Variants in ABLIM2 observed in about 807,000 individuals in gnomAD.
ABLIM2 encodes the protein actin-binding LIM protein 2.
A neutral mutation model predicts 97.7 loss-of-function variants in ABLIM2; 53 were observed. The observed-to-expected ratio is 0.54, with a 90% CI of 0.44 to 0.68. The LOEUF (loss-of-function observed/expected upper bound fraction) is 0.68. ABLIM2 is among the 30% of genes least tolerant of loss of function. The pLI is 0.00. For synonymous variants in ABLIM2, 361 were observed against 345.8 expected, an observed-to-expected ratio of 1.04 and a Z score of -0.49; for missense variants, 835 against 867.2, an observed-to-expected ratio of 0.96 and a Z score of 0.47.
rs944187467 is a variant in ABLIM2, at chr4:7,983,683, C to A, written c.1736-129G>T. On this transcript the variant is annotated intron_variant, in intron 18 of 20. Transcript: ENST00000447017. ...GCAGTCACCTGGGCCATGCATGGTC[C>A]CCGAGCAGCCTGCACTGAGGCCCTA... is the stretch of plus-strand genomic sequence containing the variant. 9 of 1,144,230 alleles carry A rather than the reference C, an allele frequency of 7.9e-6. No homozygotes were observed. The African/African-American group carries it at 1.2e-4, about 16-fold the overall frequency. The allele number at this position is 1,144,230 out of a possible 1,614,324, so 70.9% of individuals were successfully genotyped here.
Position 8,039,513 on chromosome 4 carries a change from C to T in ABLIM2, c.901-3218G>A, listed in dbSNP as rs531252051. On this transcript the variant is annotated intron_variant, in intron 9 of 20. Transcript: ENST00000447017. ...AGTCCTTGGGTGGTTGCCATGACAA[C>T]GGGCTGCACTCTCTAATTGGCGGAA... 1.4e-4 allele frequency among the ~76,000 whole-genome samples: 21 copies of T among 152,292 alleles called. No individual in the cohort carries two copies. The South Asian group carries it at 3.9e-3, about 29-fold the overall frequency.
At chr4:8,102,443 A>C (rs1214628272) in intron 2 of ABLIM2, among the ~76,000 whole-genome samples, 3 of 152,242 alleles carry the variant, frequency 2.0e-5, no homozygotes, top group Non-Finnish European at 4.4e-5. Flanking sequence ...TCCTTGCATT[A>C]GACCTGGTCC....
rs1815215164 is a variant in ABLIM2 at position 8,075,185 on chromosome 4, A to G, written c.675+2443T>C. Among the ~76,000 whole-genome samples, 1 of 152,238 alleles carries G rather than the reference A, an allele frequency of 6.6e-6. No homozygotes were observed. Among genetic ancestry groups the G allele is most frequent in the African/African-American group, 2.4e-5 (1 of 41,462 alleles). Reference sequence around the variant, plus strand: ...TCAAGCTATGTGAAAGAAGCCGGTCATGAAAGACTACATATTTCATGATTC... The same window carrying G: ...TCAAGCTATGTGAAAGAAGCCGGTCGTGAAAGACTACATATTTCATGATTC... On this transcript the variant is annotated intron_variant, in intron 6 of 20. Transcript: ENST00000447017. This position sits in a 1 kb window ranked among gnomAD's most constrained non-coding sequence, Gnocchi z 4.4.
chr4:8,029,865 G>A, intron 10 of ABLIM2, 89 bp from the exon 11 acceptor site: 2 of 1,484,400 alleles, frequency 1.3e-6, no homozygotes, highest in South Asian at 1.3e-5. Context: ...TTTGGTGTTT[G>A]CCCTCCTGAC....
rs1162892400 is a variant in ABLIM2, at chr4:7,965,916, G to A, written c.*1074C>T. ...GAGACACCGCCAGCCACAGCACAAG[G>A]ACGGTGCATCAAGAGCTACGTCGGG... On this transcript the variant is annotated 3_prime_UTR_variant, in exon 21 of 21. Transcript: ENST00000447017. The A allele has an allele frequency of 6.6e-6, 1 of 152,266 alleles. No individual in the cohort carries two copies. The highest frequency in any genetic ancestry group is 1.9e-4 in the East Asian group (1 of 5,188). 9.4% of individuals were successfully genotyped at this position (152,266 alleles called of 1,614,324 possible). A position where few individuals can be genotyped will look rare whatever the true frequency, so the allele number is the denominator to read the frequency against.
intron 6 of ABLIM2, among the ~76,000 whole-genome samples, chr4:8,076,540 C>T (rs1441625159): frequency 1.3e-5 from 2 of 152,188 alleles, no homozygotes; most frequent in African/African-American, 4.8e-5. Flanking sequence ...ACCCTATCCT[C>T]CCAGCCAAAC....
chr4:8,094,413 C>G (rs1830355823), intron 3 of ABLIM2, among the ~76,000 whole-genome samples: 1 of 152,138 alleles, frequency 6.6e-6, no homozygotes, highest in African/African-American at 2.4e-5. Context: ...ACTGAGCTCT[C>G]CAAGTGCGCA....
intron 9 of ABLIM2, among the ~76,000 whole-genome samples, chr4:8,037,506 TCA>T (rs921270726): frequency 3.3e-5 from 5 of 150,988 alleles, no homozygotes; most frequent in African/African-American, 7.3e-5. Flanking sequence ...TGACACGTGC[TCA>T]CACATGCAAT....
intron 6 of ABLIM2, among the ~76,000 whole-genome samples, chr4:8,076,774 TG>T (rs1173352625): frequency 1.1e-4 from 2 of 18,978 alleles, no homozygotes; most frequent in South Asian, 2.2e-3. Context: ...GGCTGCAGGG[TG>T]GGGGGGTCTG....
Position 8,043,287 on chromosome 4 carries a change from T to C in ABLIM2, c.900+1877A>G, listed in dbSNP as rs1789960635. ...GTGAACTTGTCTCTCGTTATAGGAG[T>C]GTCAGCTGTGACCCTTTCAATGGGT... On this transcript the variant is annotated intron_variant, in intron 9 of 20. Coordinates refer to ENST00000447017, the MANE Select transcript of ABLIM2 (RefSeq NM_001130083.2). This position sits in a 1 kb window ranked among gnomAD's most constrained non-coding sequence, Gnocchi z 4.8. Among the ~76,000 whole-genome samples, 1 of 152,172 alleles carries C rather than the reference T, an allele frequency of 6.6e-6. No individual in the cohort carries two copies. Among genetic ancestry groups the C allele is most frequent in the Admixed American group, 6.5e-5 (1 of 15,270 alleles).
chr4:8,092,322 G>A (rs545685234), intron 3 of ABLIM2, among the ~76,000 whole-genome samples: 1 of 152,154 alleles, frequency 6.6e-6, no homozygotes, highest in South Asian at 2.1e-4. Context: ...CTTTAGTGAA[G>A]TGTGAAAGAC....
At chr4:8,045,062 T>A (rs1018053903) in intron 9 of ABLIM2, 102 bp downstream of exon 9, 5 of 1,047,558 alleles carry the variant, frequency 4.8e-6, no homozygotes, top group South Asian at 1.3e-5. Context: ...CAGATGATAG[T>A]TCTCGGAAAA....
At chr4:8,109,422 T>C (rs1839203800) in intron 1 of ABLIM2, among the ~76,000 whole-genome samples, 1 of 152,248 alleles carries the variant, frequency 6.6e-6, no homozygotes, top group Non-Finnish European at 1.5e-5. Flanking sequence ...CCAGCGCTGA[T>C]TGAGCTCTGA....
chr4:7,975,849 G>A (rs937695460), intron 20 of ABLIM2, among the ~76,000 whole-genome samples: 2 of 152,168 alleles, frequency 1.3e-5, no homozygotes, highest in African/African-American at 4.8e-5. Flanking sequence ...GAGACCATGA[G>A]CCCTTCAAGT....
chr4:8,141,681 C>T (rs1851008041), intron 1 of ABLIM2, among the ~76,000 whole-genome samples: 1 of 152,202 alleles, frequency 6.6e-6, no homozygotes, highest in Non-Finnish European at 1.5e-5. Context: ...CAGTTCTGCT[C>T]CTAGTATCAG....
intron 8 of ABLIM2, among the ~76,000 whole-genome samples, chr4:8,053,122 T>C (rs1372345996): frequency 2.0e-5 from 3 of 152,206 alleles, no homozygotes; most frequent in East Asian, 1.9e-4. Flanking sequence ...TGGAAACTGC[T>C]TGGGGCCAAC....
intron 1 of ABLIM2, among the ~76,000 whole-genome samples, chr4:8,146,338 G>T (rs1226340384): frequency 1.3e-5 from 2 of 152,120 alleles, no homozygotes; most frequent in South Asian, 2.1e-4. Context: ...TTTTGCAGAG[G>T]CCGCATGACA....
At chr4:8,098,431 G>A (rs13119941) in intron 2 of ABLIM2, among the ~76,000 whole-genome samples, 37,569 of 152,150 alleles carry the variant, frequency 0.25, 4,909 homozygotes, top group Non-Finnish European at 0.3. Flanking sequence ...ATTCCTTTGA[G>A]GGCATCCAGT....
At position 8,044,699 on chromosome 4, in the gene ABLIM2, C is replaced by T. The variant is rs1222992614; in HGVS notation, c.900+465G>A. Among the ~76,000 whole-genome samples, 2 of 130,740 alleles carry T rather than the reference C, an allele frequency of 1.5e-5. No individual in the cohort carries two copies. The highest frequency in any genetic ancestry group is 2.9e-5 in the African/African-American group (1 of 34,660). 85.8% of individuals were successfully genotyped at this position (130,740 alleles called of 152,430 possible). A position where few individuals can be genotyped will look rare whatever the true frequency, so the allele number is the denominator to read the frequency against. On this transcript the variant is annotated intron_variant, in intron 9 of 20. Coordinates refer to ENST00000447017, the MANE Select transcript of ABLIM2 (RefSeq NM_001130083.2). This position sits in a 1 kb window ranked among gnomAD's most constrained non-coding sequence, Gnocchi z 4.4. Reference sequence around the variant, plus strand: ...TCTCTCTCTCTCTCTCTCGAACGAACGAAAACGGGATCACATAATTTACAT... The same window carrying T: ...TCTCTCTCTCTCTCTCTCGAACGAATGAAAACGGGATCACATAATTTACAT...
Sources: allele counts gnomAD v4.1 joint callset (sites outside exome capture counted in the v4.1 genomes callset), GRCh38; gene constraint gnomAD v4.1.1; non-coding constraint Gnocchi (gnomAD v3.1); transcripts MANE v1.5; gene names NCBI Gene and HGNC (gene_info 2026-07-23, HGNC 2026-07-21).